Variants in OFD1 observed in about 807,000 individuals in gnomAD.
OFD1 encodes centriole and centriolar satellite protein OFD1.
OFD1 carries 12 observed loss-of-function variants against 81.4 expected under a neutral mutation model. The ratio of observed to expected loss-of-function variants is 0.15; its 90% confidence interval spans 0.09 to 0.24. The LOEUF (loss-of-function observed/expected upper bound fraction) is 0.24. Ranked by LOEUF, OFD1 falls within the 10% of genes least tolerant of loss-of-function variation. The pLI, the probability that OFD1 is intolerant of heterozygous loss-of-function variation, is 1.00. For synonymous variants in OFD1, 256 were observed against 263.7 expected, an observed-to-expected ratio of 0.97 and a Z score of 0.28; for missense variants, 685 against 733.9, an observed-to-expected ratio of 0.93 and a Z score of 0.77.
the OFD1 span, among the ~76,000 whole-genome samples, chrX:13,723,922 G>T: frequency 9.0e-6 from 1 of 111,628 alleles, no homozygotes; most frequent in East Asian, 2.8e-4. Flanking sequence ...CATTGTCCTG[G>T]ATCATCCAGG....
chrX:13,757,623 A>G, intron 13 of OFD1, 37 bp from the exon 14 acceptor site: 2 of 1,176,285 alleles, frequency 1.7e-6, no homozygotes, highest in South Asian at 1.8e-5. Flanking sequence ...TAAGGTTGGT[A>G]ATGACTAGGA....
Position 13,736,454 on chromosome X carries a change from ATTTTTG to A in OFD1, c.112-18_112-13del, listed in dbSNP as rs2046870165. 1 of 1,197,657 alleles carries A rather than the reference ATTTTTG, an allele frequency of 8.3e-7. No homozygotes were observed. The highest frequency in any genetic ancestry group is 1.1e-6 in the Non-Finnish European group (1 of 884,590). On this transcript the variant is annotated intron_variant, in intron 2 of 22. Transcript: ENST00000340096. ...TTTCTTTCCCTTGTGTTTCTTTTTT[ATTTTTG>A]TTTTTATTTTATGCTAGACACAACT...
At chrX:13,724,603 GTA>G in the OFD1 span, among the ~76,000 whole-genome samples, 1 of 111,568 alleles carries the variant, frequency 9.0e-6, no homozygotes, top group Admixed American at 9.5e-5. Flanking sequence ...CTCAAGATAG[GTA>G]TATTAAGAAA....
In OFD1 at chrX:13,751,320, A is replaced by C; in HGVS notation, c.1007A>C (p.Lys336Thr). 1 of 1,204,310 alleles carries C rather than the reference A, an allele frequency of 8.3e-7. No homozygotes were observed. The highest frequency in any genetic ancestry group is 1.1e-6 in the Non-Finnish European group (1 of 889,024). The change falls in exon 10 of 23, where the codon AAG becomes ACG. Residue 336 changes from lysine (K) to threonine (T), a missense_variant. Physicochemically the swap from Lys to Thr is moderately conservative, Grantham distance 78. Coordinates refer to ENST00000340096, the MANE Select transcript of OFD1 (RefSeq NM_003611.3). The part of the protein sequence containing the change: ...EALRRQEQNI[K>T]SFEETYDRKL... ...CTTAGGAGACAGGAGCAGAATATAA[A>C]GAGTTTTGAGGAGACCTATGACCGA...
At chrX:13,755,412 C>T (rs896662259) in intron 12 of OFD1, among the ~76,000 whole-genome samples, 170 bp downstream of exon 12, 1 of 112,228 alleles carries the variant, frequency 8.9e-6, no homozygotes, top group African/African-American at 3.2e-5. Context: ...CAGTCAGTGT[C>T]ACATAGGAAA....
the OFD1 span, among the ~76,000 whole-genome samples, chrX:13,717,299 A>G: frequency 2.7e-5 from 3 of 111,853 alleles, no homozygotes; most frequent in South Asian, 3.7e-4. Context: ...GCCTGTGTCA[A>G]TAGCAGGACA....
chrX:13,762,189 A>G (rs781272658), intron 17 of OFD1, among the ~76,000 whole-genome samples, 155 bp from the exon 18 acceptor site: 6 of 111,772 alleles, frequency 5.4e-5, no homozygotes, highest in Non-Finnish European at 9.4e-5. Flanking sequence ...GCTGAGAACA[A>G]TGCCTAGTGG....
chrX:13,736,062 A>G (rs1246586912), intron 2 of OFD1: 2 of 638,616 alleles, frequency 3.1e-6, no homozygotes, highest in Non-Finnish European at 1.9e-6. Flanking sequence ...TGTAATGTAT[A>G]TAGCAGTCCC....
chrX:13,715,211 GC>G, the OFD1 span, among the ~76,000 whole-genome samples: 10 of 113,054 alleles, frequency 8.8e-5, no homozygotes, highest in East Asian at 2.5e-3. Context: ...GGTGGCTCAC[GC>G]CTGTAATCCC....
At chrX:13,746,236 C>T (rs2047291267) in intron 6 of OFD1, 83 bp from the exon 7 acceptor site, 3 of 907,059 alleles carry the variant, frequency 3.3e-6, no homozygotes, top group Non-Finnish European at 4.8e-6. Flanking sequence ...TAAGTATCCT[C>T]TTTACTTTTG....
Position 13,762,436 on chromosome X carries a change from C to G in OFD1, c.2480C>G (p.Ser827Cys). The G allele has an allele frequency of 8.8e-7, 1 of 1,138,688 alleles. No homozygotes were observed. Among genetic ancestry groups the G allele is most frequent in the Non-Finnish European group, 1.2e-6 (1 of 829,470 alleles). 93.8% of individuals were successfully genotyped at this position (1,138,688 alleles called of 1,213,427 possible). A position where few individuals can be genotyped will look rare whatever the true frequency, so the allele number is the denominator to read the frequency against. The change falls in exon 18 of 23, where the codon TCT becomes TGT. Residue 827 changes from serine to cysteine, a missense_variant. By Grantham distance (112) the Ser-to-Cys change is moderately radical. This residue lies in a region of OFD1 where 259 missense variants were observed against 254.4 expected (regional missense o/e 1.02). Transcript: ENST00000340096. ...AAGGATAATGAGGAGTTTGAATCAT[C>G]TTTTGAATGTAAGTTCAAATATAAA... is the stretch of plus-strand genomic sequence containing the variant. Reference protein sequence around the residue: ...AFKDNEEFESSFESAGNMPRQ... With the variant: ...AFKDNEEFESCFESAGNMPRQ...
rs777487287 is a variant in OFD1, at chrX:13,753,460, A to G, written c.1129+19A>G. The G allele has an allele frequency of 1.7e-6, 2 of 1,204,314 alleles. No homozygotes were observed. Among genetic ancestry groups the G allele is most frequent in the African/African-American group, 3.5e-5 (2 of 57,100 alleles). ...AATAAAGGTGATGTTTGGGGGGAAA[A>G]TAAGCTGTATTTTTCAGTTCTGCTG... On this transcript the variant is annotated intron_variant, in intron 11 of 22. Coordinates refer to ENST00000340096, the MANE Select transcript of OFD1 (RefSeq NM_003611.3).
the OFD1 span, among the ~76,000 whole-genome samples, chrX:13,717,060 A>C: frequency 9.5e-6 from 1 of 104,772 alleles, no homozygotes; most frequent in Non-Finnish European, 2.0e-5. Context: ...AAAAAAAAAA[A>C]AAAACAAGAT....
chrX:13,734,046 T>G, upstream of OFD1: 1 of 515,132 alleles, frequency 1.9e-6, no homozygotes, highest in Non-Finnish European at 3.5e-6. Context: ...TGGCTCACCT[T>G]TACCTCACAG....
chrX:13,732,900 T>G (rs2046706750), upstream of OFD1, among the ~76,000 whole-genome samples: 1 of 112,953 alleles, frequency 8.9e-6, no homozygotes, highest in Admixed American at 9.3e-5. Flanking sequence ...ATTTCAGTTG[T>G]TCCATAAACC....
the OFD1 span, chrX:13,714,558 T>C: frequency 1.5e-5 from 10 of 685,888 alleles, no homozygotes; most frequent in African/African-American, 2.2e-5. Context: ...ATCTTAAGTT[T>C]CTGAAAGGAA....
At chrX:13,733,967 C>T (rs2046744338), upstream of OFD1, 1 of 508,859 alleles carries the variant, frequency 2.0e-6, no homozygotes, top group South Asian at 2.5e-5. Flanking sequence ...CTGGCTGTAA[C>T]ATTTTCATTA....
chrX:13,755,742 T>TTACTTTTC (rs940355055), intron 12 of OFD1, among the ~76,000 whole-genome samples: 7 of 111,731 alleles, frequency 6.3e-5, no homozygotes, highest in Admixed American at 5.7e-4. Context: ...CATTGCTTCT[T>TTACTTTTC]TACTTTTCTG....
the OFD1 span, chrX:13,721,868 A>G: frequency 3.6e-5 from 4 of 110,876 alleles, no homozygotes; most frequent in Middle Eastern, 4.7e-3. Flanking sequence ...TCACGCTTCA[A>G]TGGCAGAGTT....
Sources: allele counts gnomAD v4.1 joint callset (sites outside exome capture counted in the v4.1 genomes callset), GRCh38; gene constraint gnomAD v4.1.1; regional missense constraint gnomAD v4.1.1; transcripts MANE v1.5; gene names NCBI Gene and HGNC (gene_info 2026-07-23, HGNC 2026-07-21).